Variants in SPAG16 observed in about 807,000 individuals in gnomAD.
SPAG16 encodes the protein sperm associated antigen 16, also known as sperm-associated antigen 16 protein.
Under a neutral mutation model 80.4 loss-of-function variants are expected in SPAG16, and 86 were observed. The ratio of observed to expected loss-of-function variants is 1.07; its 90% CI spans 0.90 to 1.28. SPAG16 has a LOEUF of 1.28. Ranked by LOEUF, SPAG16 falls within the 50% of genes most tolerant of loss-of-function variation. The pLI, the probability that SPAG16 is intolerant of heterozygous loss-of-function variation, is 0.00. For synonymous variants in SPAG16, 294 were observed against 265.9 expected (o/e 1.11, Z -1.03); for missense variants, 870 against 765.3 (o/e 1.14, Z -1.61).
At chr2:214,110,003 T>C (rs2053583446) in intron 14 of SPAG16, among the ~76,000 whole-genome samples, 1 of 152,188 alleles carries the variant, frequency 6.6e-6, no homozygotes, top group Admixed American at 6.6e-5. Flanking sequence ...ACATTCTAAA[T>C]ATTAAACTTA....
chr2:213,485,337 C>G (rs541735394), intron 9 of SPAG16, among the ~76,000 whole-genome samples: 1 of 152,190 alleles, frequency 6.6e-6, no homozygotes. Flanking sequence ...TGCATACTAG[C>G]GAAACTTACT....
intron 12 of SPAG16, among the ~76,000 whole-genome samples, chr2:213,997,476 G>T (rs1220868896): frequency 6.6e-6 from 1 of 152,090 alleles, no homozygotes; most frequent in Non-Finnish European, 1.5e-5. Flanking sequence ...ACATATCATG[G>T]CAGCAAAAAC....
intron 10 of SPAG16, among the ~76,000 whole-genome samples, chr2:213,653,174 T>C (rs945745754): frequency 2.0e-5 from 3 of 152,202 alleles, no homozygotes; most frequent in African/African-American, 7.2e-5. Context: ...AAATTTCTGA[T>C]TAGCTTCATG....
At chr2:213,316,661 A>G (rs2063412169) in intron 4 of SPAG16, among the ~76,000 whole-genome samples, 1 of 151,958 alleles carries the variant, frequency 6.6e-6, no homozygotes, top group African/African-American at 2.4e-5. Flanking sequence ...GTAGTTGCCA[A>G]ACACTTCCTT....
intron 15 of SPAG16, among the ~76,000 whole-genome samples, chr2:214,363,734 T>C (rs751027784): frequency 6.6e-6 from 1 of 152,072 alleles, no homozygotes; most frequent in African/African-American, 2.4e-5. Flanking sequence ...ATGTAAGCTA[T>C]TTTGAAACCA....
At chr2:213,389,481 A>T (rs940851794) in intron 9 of SPAG16, among the ~76,000 whole-genome samples, 3 of 152,164 alleles carry the variant, frequency 2.0e-5, no homozygotes, top group African/African-American at 7.2e-5. Flanking sequence ...ATAGAATGGG[A>T]GAAAATATCT....
chr2:214,274,990 T>G (rs1001708709), intron 15 of SPAG16, among the ~76,000 whole-genome samples: 2 of 152,192 alleles, frequency 1.3e-5, no homozygotes, highest in Non-Finnish European at 2.9e-5. Context: ...GATTGGTGTA[T>G]TCAGAGATTC....
chr2:213,900,890 C>T (rs115748773), intron 11 of SPAG16, among the ~76,000 whole-genome samples: 1,587 of 152,188 alleles, frequency 0.01, 35 homozygotes, highest in African/African-American at 0.035. Context: ...TAACTATATC[C>T]TGTGTTTTCA....
chr2:213,428,403 G>A (rs1288807279), intron 9 of SPAG16, among the ~76,000 whole-genome samples: 2 of 152,176 alleles, frequency 1.3e-5, no homozygotes, highest in Non-Finnish European at 2.9e-5. Context: ...GCATTTTCCA[G>A]TACTTGGGAC....
At chr2:213,499,340 C>T (rs570104180) in intron 10 of SPAG16, among the ~76,000 whole-genome samples, 1 of 152,228 alleles carries the variant, frequency 6.6e-6, no homozygotes, top group Non-Finnish European at 1.5e-5. Context: ...AGAACAGATC[C>T]TATGGATTCT....
At chr2:213,408,591 T>G (rs2068794463) in intron 9 of SPAG16, among the ~76,000 whole-genome samples, 1 of 152,218 alleles carries the variant, frequency 6.6e-6, no homozygotes, top group Non-Finnish European at 1.5e-5. Flanking sequence ...ATTTAAATCT[T>G]AATTACCGTA....
intron 15 of SPAG16, among the ~76,000 whole-genome samples, chr2:214,266,869 G>A (rs1033315969): frequency 6.6e-6 from 1 of 151,366 alleles, no homozygotes; most frequent in African/African-American, 2.4e-5. Context: ...ATACTTAGGA[G>A]TCAATTTAAC....
chr2:213,308,244 A>G (rs565332218), intron 3 of SPAG16, among the ~76,000 whole-genome samples: 56 of 152,186 alleles, frequency 3.7e-4, no homozygotes, highest in Non-Finnish European at 7.1e-4. Context: ...TATTTTATTT[A>G]TTTTGTACAC....
intron 15 of SPAG16, among the ~76,000 whole-genome samples, chr2:214,204,469 G>A (rs1054246425): frequency 6.6e-6 from 1 of 152,232 alleles, no homozygotes; most frequent in Non-Finnish European, 1.5e-5. Context: ...TGGTATCCAT[G>A]GCTGGGAGAC....
At chr2:213,955,741 T>C (rs183373122) in intron 12 of SPAG16, among the ~76,000 whole-genome samples, 1 of 152,250 alleles carries the variant, frequency 6.6e-6, no homozygotes, top group East Asian at 1.9e-4. Context: ...TTTCTAGGAA[T>C]TTGTTCATTT....
In SPAG16 at chr2:214,310,165, C is replaced by CTTTT. The variant is rs3044977; in HGVS notation, c.1721-99965_1721-99962dup. 5.4e-3 allele frequency among the ~76,000 whole-genome samples: 776 copies of CTTTT among 143,804 alleles called. 9 individuals are homozygous for CTTTT. Among genetic ancestry groups the CTTTT allele is most frequent in the Middle Eastern group, 0.011 (3 of 280 alleles). The allele number at this position is 143,804 out of a possible 152,430, so 94.3% of individuals were successfully genotyped here. ...AAAGAAACCGTCATTTTCTTTCTTT[C>CTTTT]TTTTTTTTTTTTTGAAATTGCTATT... On this transcript the variant is annotated intron_variant, in intron 15 of 15. Coordinates refer to ENST00000331683, the MANE Select transcript of SPAG16 (RefSeq NM_024532.5).
intron 10 of SPAG16, among the ~76,000 whole-genome samples, chr2:213,715,683 GTTTTC>G (rs1435501631): frequency 2.0e-5 from 3 of 152,116 alleles, no homozygotes; most frequent in Non-Finnish European, 2.9e-5. Flanking sequence ...TTACTAGACT[GTTTTC>G]TTTTCATCTA....
intron 11 of SPAG16, among the ~76,000 whole-genome samples, chr2:213,874,578 G>T (rs2105999816): frequency 6.6e-6 from 1 of 152,232 alleles, no homozygotes; most frequent in African/African-American, 2.4e-5. Context: ...CAGTGCAGTA[G>T]ATTTGTTTAC....
chr2:213,794,995 T>C (rs1331662503), intron 10 of SPAG16, among the ~76,000 whole-genome samples: 1 of 152,130 alleles, frequency 6.6e-6, no homozygotes, highest in Non-Finnish European at 1.5e-5. Context: ...TTAATATGCA[T>C]TCTCTGAACA....
Sources: allele counts gnomAD v4.1 joint callset (sites outside exome capture counted in the v4.1 genomes callset), GRCh38; gene constraint gnomAD v4.1.1; transcripts MANE v1.5; gene names NCBI Gene and HGNC (gene_info 2026-07-23, HGNC 2026-07-21).